The following CADM2 variants were observed in gnomAD, a reference collection of about 807,000 sequenced individuals.
The protein encoded by CADM2 is immunoglobulin superfamily member 4D.
CADM2 carries 12 observed loss-of-function variants against 49.8 expected under a neutral mutation model. The observed-to-expected ratio is 0.24, with a 90% confidence interval of 0.15 to 0.39. CADM2 has a LOEUF of 0.39. Among genes scored for constraint, CADM2 ranks in the 10% least tolerant of loss-of-function variants. The pLI, the probability that CADM2 is intolerant of heterozygous loss-of-function variation, is 1.00. For synonymous variants in CADM2, 214 were observed against 175.4 expected (o/e 1.22, Z -1.74); for missense variants, 378 against 492.3 (o/e 0.77, Z 2.20).
chr3:85,213,627 G>A (rs750759705), intron 1 of CADM2, among the ~76,000 whole-genome samples: 17 of 151,996 alleles, frequency 1.1e-4, no homozygotes, highest in Non-Finnish European at 2.2e-4. Flanking sequence ...ACATCTATTC[G>A]ATATTTATTT....
chr3:85,215,460 A>T (rs2041902203), intron 1 of CADM2, among the ~76,000 whole-genome samples: 2 of 151,590 alleles, frequency 1.3e-5, no homozygotes, highest in Admixed American at 1.3e-4. Flanking sequence ...TGGGAGGTTG[A>T]AGTCCTTTTT....
chr3:85,395,449 GAAAA>G (rs1164786637), intron 1 of CADM2, among the ~76,000 whole-genome samples: 1 of 151,908 alleles, frequency 6.6e-6, no homozygotes, highest in Non-Finnish European at 1.5e-5. Context: ...GACTTAGACA[GAAAA>G]AAATTTATTG....
chr3:85,528,452 G>T (rs372277469), intron 1 of CADM2, among the ~76,000 whole-genome samples: 91 of 152,278 alleles, frequency 6.0e-4, no homozygotes, highest in Middle Eastern at 3.4e-3. Context: ...GCAAATAACT[G>T]CATGACACTC....
At chr3:85,723,506 G>T (rs2067581619) in intron 1 of CADM2, among the ~76,000 whole-genome samples, 1 of 152,024 alleles carries the variant, frequency 6.6e-6, no homozygotes, top group Admixed American at 6.6e-5. Flanking sequence ...AATATGCAGA[G>T]AATTATAATT....
chr3:85,245,496 T>C (rs991642947), intron 1 of CADM2, among the ~76,000 whole-genome samples: 1 of 150,292 alleles, frequency 6.7e-6, no homozygotes, highest in Non-Finnish European at 1.5e-5. Flanking sequence ...TGGCGACAGA[T>C]TGAGGCTCTG....
At chr3:85,453,910 A>G (rs2037868970) in intron 1 of CADM2, among the ~76,000 whole-genome samples, 1 of 152,216 alleles carries the variant, frequency 6.6e-6, no homozygotes, top group Non-Finnish European at 1.5e-5. Flanking sequence ...TAGTACAGTC[A>G]TAAAAATTAA....
intron 1 of CADM2, among the ~76,000 whole-genome samples, chr3:85,655,177 C>T (rs1308630003): frequency 1.4e-5 from 2 of 143,546 alleles, no homozygotes; most frequent in Non-Finnish European, 3.1e-5. Flanking sequence ...TTTTTTTTGA[C>T]ACAGTCTCAC....
intron 3 of CADM2, among the ~76,000 whole-genome samples, chr3:85,849,638 A>C (rs1435533209): frequency 9.9e-5 from 15 of 152,162 alleles, no homozygotes; most frequent in Admixed American, 9.8e-4. Context: ...TGAACACCAC[A>C]TTTTGAGTAT....
intron 1 of CADM2, among the ~76,000 whole-genome samples, chr3:85,408,876 G>T (rs924360442): frequency 6.6e-6 from 1 of 151,984 alleles, no homozygotes. Context: ...ATAAACAAGG[G>T]CAAAATATTA....
chr3:85,490,067 C>CATTAT (rs138246680), intron 1 of CADM2, among the ~76,000 whole-genome samples: 106,357 of 151,422 alleles, frequency 0.7, 37,748 homozygotes, highest in East Asian at 0.93. Flanking sequence ...TCAGTGAGTC[C>CATTAT]ATTAATTAGA....
At chr3:85,051,457 T>C (rs1576118530) in intron 1 of CADM2, among the ~76,000 whole-genome samples, 1 of 152,176 alleles carries the variant, frequency 6.6e-6, no homozygotes, top group East Asian at 1.9e-4. Flanking sequence ...TTTAAAAATA[T>C]TTTTATCAAG....
chr3:85,919,451 A>C (rs1024811858), intron 6 of CADM2, among the ~76,000 whole-genome samples: 5 of 151,904 alleles, frequency 3.3e-5, no homozygotes, highest in Admixed American at 6.6e-5. Flanking sequence ...GTTTACATGA[A>C]ATTAATTAGG....
chr3:84,959,556 C>G lies in CADM2; in HGVS notation c.-52C>G, dbSNP rs2107023368. On this transcript the variant is annotated 5_prime_UTR_variant, in exon 1 of 10. Coordinates refer to ENST00000383699, the MANE Select transcript of CADM2 (RefSeq NM_001167675.2). The stretch of plus-strand genomic sequence containing the variant: ...GCCCTGCACTCTCGTGCCCCGCTCA[C>G]CAGCATCTACTTGCCCCCTCGTTCC... 6.7e-7 allele frequency: 1 copy of G among 1,501,762 alleles called. No homozygotes were observed. Among genetic ancestry groups the G allele is most frequent in the Middle Eastern group, 1.7e-4 (1 of 5,926 alleles). The allele number at this position is 1,501,762 out of a possible 1,614,324, so 93.0% of individuals were successfully genotyped here. A position where few individuals can be genotyped will look rare whatever the true frequency, so the allele number is the denominator to read the frequency against.
rs2072095991 is a variant in CADM2, at chr3:85,802,275, T to C, written c.238+79T>C. The C allele has an allele frequency of 2.4e-6, 3 of 1,237,358 alleles. No homozygotes were observed. The South Asian group carries it at 5.3e-5, about 22-fold the overall frequency. 76.6% of individuals were successfully genotyped at this position (1,237,358 alleles called of 1,614,324 possible). ...CAATAAATTTATTTTTCTGAGATGA[T>C]TCAAACTATTCCTTTTGATTACCAA... On this transcript the variant is annotated intron_variant, in intron 3 of 9. Transcript: ENST00000383699.
chr3:85,372,381 GTGTA>G (rs1001614618), intron 1 of CADM2, among the ~76,000 whole-genome samples: 5 of 149,736 alleles, frequency 3.3e-5, no homozygotes, highest in Non-Finnish European at 5.9e-5. Context: ...ATATGTGTGT[GTGTA>G]TATATAGATA....
At chr3:85,335,012 AAC>A (rs1335274999) in intron 1 of CADM2, among the ~76,000 whole-genome samples, 1 of 151,420 alleles carries the variant, frequency 6.6e-6, no homozygotes, top group African/African-American at 2.4e-5. Flanking sequence ...ATAGAAGAAA[AAC>A]AGTCATATTA....
Position 86,039,738 on chromosome 3 carries a change from G to T in CADM2, c.971-25867G>T, listed in dbSNP as rs372709876. 3.9e-5 allele frequency among the ~76,000 whole-genome samples: 6 copies of T among 152,244 alleles called. No individual in the cohort carries two copies. The East Asian group carries it at 5.8e-4, about 15-fold the overall frequency. On this transcript the variant is annotated intron_variant, in intron 8 of 9. Transcript: ENST00000383699. ...CCTGACAGCTTTGAAGAGAGTAGTG[G>T]TTCTCCCAGCAGGCAGCTGGAGATC... is the stretch of plus-strand genomic sequence containing the variant.
rs1305669934 is a variant in CADM2, at chr3:85,175,042, A to G, written c.61+215374A>G. Among the ~76,000 whole-genome samples the G allele has an allele frequency of 3.9e-5, 6 of 152,196 alleles. No individual in the cohort carries two copies. In the South Asian group the frequency reaches 6.2e-4, roughly 16 times the overall value. The stretch of plus-strand genomic sequence containing the variant: ...GAAAATATGATCAATATCACTAGTC[A>G]TTAGCAAAATGCAAAACAAAACCAC... On this transcript the variant is annotated intron_variant, in intron 1 of 9. Transcript: ENST00000383699.
intron 1 of CADM2, among the ~76,000 whole-genome samples, chr3:85,267,585 A>G (rs1289479120): frequency 2.0e-5 from 3 of 151,632 alleles, no homozygotes; most frequent in Non-Finnish European, 4.4e-5. Context: ...TTCCTTTCAC[A>G]AAATAGAAAG....
Sources: allele counts gnomAD v4.1 joint callset (sites outside exome capture counted in the v4.1 genomes callset), GRCh38; gene constraint gnomAD v4.1.1; transcripts MANE v1.5; gene names NCBI Gene and HGNC (gene_info 2026-07-23, HGNC 2026-07-21).